TIAM1: variants seen among roughly 807,000 people sequenced by gnomAD.
The protein encoded by TIAM1 is TIAM Rac1 associated GEF 1, also known as rho guanine nucleotide exchange factor TIAM1.
TIAM1 carries 65 observed loss-of-function variants against 163.5 expected under a neutral mutation model. The ratio of observed to expected loss-of-function variants is 0.40; its 90% CI spans 0.33 to 0.49. TIAM1 has a LOEUF of 0.49. Among genes scored for constraint, TIAM1 ranks in the 20% least tolerant of loss-of-function variants. The probability of loss-of-function intolerance (pLI) is 0.77; values close to 1 mark genes in which losing one functional copy is unlikely to be tolerated. For missense variants in TIAM1, 1,789 were observed against 2,044.7 expected (o/e 0.87, Z 2.41); for synonymous variants, 833 against 810.1 (o/e 1.03, Z -0.48).
At chr21:31,376,030 A>C (rs2076679759) in intron 2 of TIAM1, among the ~76,000 whole-genome samples, 1 of 127,940 alleles carries the variant, frequency 7.8e-6, no homozygotes, top group Non-Finnish European at 1.7e-5. Context: ...CCACCTCAAA[A>C]AAAATTTAAA....
At chr21:31,421,032 G>A (rs909176283) in intron 2 of TIAM1, among the ~76,000 whole-genome samples, 1 of 151,934 alleles carries the variant, frequency 6.6e-6, no homozygotes, top group Admixed American at 6.6e-5. Context: ...TGAGGCAGGG[G>A]AATCGCTTGA....
chr21:31,479,335 C>T (rs182626402), intron 1 of TIAM1, among the ~76,000 whole-genome samples: 3 of 152,084 alleles, frequency 2.0e-5, no homozygotes, highest in African/African-American at 7.2e-5. Flanking sequence ...TCCTGTGATT[C>T]TGTCTGGTTA....
upstream of TIAM1, among the ~76,000 whole-genome samples, chr21:31,348,040 G>T (rs185570501): frequency 2.0e-5 from 3 of 152,316 alleles, no homozygotes; most frequent in Admixed American, 2.0e-4. Flanking sequence ...AACGTATGGA[G>T]AGTTTATTTA....
chr21:31,501,893 C>A (rs1432721418), intron 1 of TIAM1, among the ~76,000 whole-genome samples: 2 of 151,852 alleles, frequency 1.3e-5, no homozygotes. Flanking sequence ...GTGAGCACTG[C>A]GCCCAGCCTT....
chr21:31,286,361 C>G (rs892497437), intron 2 of TIAM1, among the ~76,000 whole-genome samples: 10 of 152,062 alleles, frequency 6.6e-5, no homozygotes, highest in African/African-American at 2.2e-4. Context: ...CCCAGGAGTT[C>G]GAGACCAGTC....
At chr21:31,443,100 A>G (rs2044494858) in intron 2 of TIAM1, among the ~76,000 whole-genome samples, 2 of 152,206 alleles carry the variant, frequency 1.3e-5, no homozygotes, top group South Asian at 4.1e-4. Context: ...GAAACCTTGG[A>G]CTGTGGAGTT....
chr21:31,280,371 T>C (rs2073495581), intron 2 of TIAM1, among the ~76,000 whole-genome samples: 1 of 152,196 alleles, frequency 6.6e-6, no homozygotes, highest in African/African-American at 2.4e-5. Flanking sequence ...TCTCTTTGCC[T>C]ACGGCCATCC....
At chr21:31,428,512 A>T (rs1034878160) in intron 2 of TIAM1, among the ~76,000 whole-genome samples, 1 of 152,186 alleles carries the variant, frequency 6.6e-6, no homozygotes, top group African/African-American at 2.4e-5. Context: ...CAATTTAATT[A>T]AATATATATA....
intron 5 of TIAM1, among the ~76,000 whole-genome samples, chr21:31,247,583 A>G (rs1019667947): frequency 6.6e-6 from 1 of 151,968 alleles, no homozygotes; most frequent in African/African-American, 2.4e-5. Flanking sequence ...TTTTGTAAAG[A>G]CAAGGTCTCA....
intron 6 of TIAM1, among the ~76,000 whole-genome samples, chr21:31,241,572 T>C (rs1273102937): frequency 6.6e-6 from 1 of 152,166 alleles, no homozygotes; most frequent in East Asian, 1.9e-4. Context: ...AAAGAAGCAC[T>C]ATCACCACCG....
intron 1 of TIAM1, among the ~76,000 whole-genome samples, chr21:31,342,939 G>C (rs980744709): frequency 6.6e-6 from 1 of 152,220 alleles, no homozygotes; most frequent in African/African-American, 2.4e-5. Context: ...GGTATGCTGA[G>C]AGAGTCTGCC....
chr21:31,537,349 A>G (rs1256012494), intron 1 of TIAM1, among the ~76,000 whole-genome samples: 1 of 152,046 alleles, frequency 6.6e-6, no homozygotes, highest in Non-Finnish European at 1.5e-5. Flanking sequence ...AGCAAGGTGT[A>G]TGACAGTAAA....
intron 8 of TIAM1, among the ~76,000 whole-genome samples, chr21:31,219,506 G>T (rs560907852): frequency 6.6e-6 from 1 of 152,340 alleles, no homozygotes; most frequent in Admixed American, 6.5e-5. Context: ...CTCCCCAGCA[G>T]TCAGCGTGTT....
chr21:31,360,683 C>T (rs2076392987), intron 2 of TIAM1, among the ~76,000 whole-genome samples: 1 of 152,194 alleles, frequency 6.6e-6, no homozygotes, highest in Non-Finnish European at 1.5e-5. Flanking sequence ...AAAACACACA[C>T]ATGCACACAA....
intron 1 of TIAM1, among the ~76,000 whole-genome samples, chr21:31,519,678 A>G (rs903656842): frequency 2.0e-5 from 3 of 152,222 alleles, no homozygotes; most frequent in Middle Eastern, 3.2e-3. Context: ...ATGAACAGAT[A>G]AGCAAAAGGT....
Position 31,182,653 on chromosome 21 carries a change from C to T in TIAM1, c.2663-8G>A, listed in dbSNP as rs373440490. ...CATCTCCTGCTTTCAGGCCTGCCAA[C>T]GCAAGATGGAAAATTTTTAATTTCA... On this transcript the variant is annotated splice_region_variant and splice_polypyrimidine_tract_variant and intron_variant, in intron 14 of 27. Transcript: ENST00000541036. 3.4e-5 allele frequency: 55 copies of T among 1,605,692 alleles called. 1 individual carries two copies. Among genetic ancestry groups the T allele is most frequent in the African/African-American group, 1.7e-4 (13 of 74,632 alleles).
At chr21:31,265,303 C>G (rs865986410) in intron 4 of TIAM1, among the ~76,000 whole-genome samples, 1 of 150,980 alleles carries the variant, frequency 6.6e-6, no homozygotes, top group South Asian at 2.1e-4. Context: ...CACTAGACCC[C>G]GAAGCAGGCA....
intron 27 of TIAM1, chr21:31,123,842 TA>T (rs1207855211): frequency 6.6e-6 from 1 of 152,218 alleles, no homozygotes; most frequent in Non-Finnish European, 1.5e-5. Context: ...CAGGTGGCAG[TA>T]TTTATTTTAT....
intron 2 of TIAM1, among the ~76,000 whole-genome samples, chr21:31,314,629 T>C (rs566596255): frequency 2.0e-5 from 3 of 152,190 alleles, no homozygotes; most frequent in Non-Finnish European, 4.4e-5. Flanking sequence ...TTTAGAAATA[T>C]TGGCTGCAAA....
Sources: gnomAD v4.1 joint callset for allele counts (sites outside exome capture counted in the v4.1 genomes callset) on GRCh38, gnomAD v4.1.1 for gene constraint, MANE v1.5 for transcripts, NCBI Gene and HGNC (gene_info 2026-07-23, HGNC 2026-07-21) for gene names.